Variants in MEF2A observed in about 807,000 individuals in gnomAD.
MEF2A encodes the protein myocyte enhancer factor 2A.
MEF2A carries 28 observed loss-of-function variants against 55.8 expected under a neutral mutation model. That is an observed-to-expected ratio of 0.50 (90% CI 0.37 to 0.69). The LOEUF is 0.69. Ranked by LOEUF, MEF2A falls within the 30% of genes least tolerant of loss-of-function variation. The pLI is 0.00. For synonymous variants in MEF2A, 239 were observed against 227.1 expected, an observed-to-expected ratio of 1.05 and a Z score of -0.47; for missense variants, 528 against 626.2, an observed-to-expected ratio of 0.84 and a Z score of 1.67.
At chr15:99,596,866 C>G (rs1270984519) in intron 1 of MEF2A, among the ~76,000 whole-genome samples, 1 of 152,202 alleles carries the variant, frequency 6.6e-6, no homozygotes, top group African/African-American at 2.4e-5. Context: ...AACGGAGGGA[C>G]TGGCTGAAGC....
rs765608725 is a variant in MEF2A, at chr15:99,573,373, TC to T, written c.-225+7270del. 8.6e-5 allele frequency among the ~76,000 whole-genome samples: 13 copies of T among 151,252 alleles called. No individual in the cohort carries two copies. In the East Asian group the frequency reaches 1.8e-3, roughly 20 times the overall value. ...GTTTTCCCAAATCACACTTTAAAAATCATAAAGGTACTTTCCAAATTATAAT... is the reference window on the plus strand; with the variant it reads ...GTTTTCCCAAATCACACTTTAAAAATATAAAGGTACTTTCCAAATTATAAT... On this transcript the variant is annotated intron_variant, in intron 1 of 11. Transcript: ENST00000557942.
intron 1 of MEF2A, among the ~76,000 whole-genome samples, chr15:99,598,212 C>T (rs924512092): frequency 6.6e-6 from 1 of 152,090 alleles, no homozygotes. Flanking sequence ...GTAATACTTC[C>T]TGAAGAAAAA....
intron 3 of MEF2A, among the ~76,000 whole-genome samples, chr15:99,635,904 G>A (rs2043728618): frequency 1.3e-5 from 2 of 152,152 alleles, no homozygotes; most frequent in Non-Finnish European, 2.9e-5. Flanking sequence ...ATTCTCGATA[G>A]TATACGTGAA....
chr15:99,588,299 TTTTTC>T (rs940901251), intron 1 of MEF2A, among the ~76,000 whole-genome samples: 4 of 151,786 alleles, frequency 2.6e-5, no homozygotes, highest in Non-Finnish European at 4.4e-5. Flanking sequence ...TTTTGTTGTT[TTTTTC>T]TTTTCTTTTC....
intron 1 of MEF2A, among the ~76,000 whole-genome samples, chr15:99,587,064 T>G (rs916059398): frequency 6.6e-6 from 1 of 152,192 alleles, no homozygotes; most frequent in African/African-American, 2.4e-5. Flanking sequence ...AACTTTTTTT[T>G]TTTTAAATTA....
chr15:99,666,916 A>AT (rs1414029131), intron 4 of MEF2A, among the ~76,000 whole-genome samples: 2 of 152,214 alleles, frequency 1.3e-5, no homozygotes, highest in African/African-American at 4.8e-5. Context: ...TGCAATATAA[A>AT]TAACAATTTA....
intron 4 of MEF2A, among the ~76,000 whole-genome samples, chr15:99,667,665 C>G (rs1236876206): frequency 6.6e-6 from 1 of 151,918 alleles, no homozygotes; most frequent in Non-Finnish European, 1.5e-5. Context: ...ACCAAGAAGG[C>G]CAAATGAATT....
chr15:99,660,280 C>T (rs755851187), intron 4 of MEF2A, among the ~76,000 whole-genome samples: 1 of 152,158 alleles, frequency 6.6e-6, no homozygotes, highest in African/African-American at 2.4e-5. Flanking sequence ...TGGCTCACCC[C>T]GACCTCCGCC....
chr15:99,638,802 C>T (rs2044355555), intron 3 of MEF2A, among the ~76,000 whole-genome samples: 1 of 152,018 alleles, frequency 6.6e-6, no homozygotes, highest in Non-Finnish European at 1.5e-5. Flanking sequence ...TCTTTGTTCT[C>T]AATTATACGA....
chr15:99,575,913 A>G (rs1348305670), intron 1 of MEF2A, among the ~76,000 whole-genome samples: 6 of 152,186 alleles, frequency 3.9e-5, no homozygotes, highest in African/African-American at 1.4e-4. Context: ...TTCCAAATTA[A>G]CCCACATTTG....
chr15:99,651,722 G>A (rs1302108790), intron 4 of MEF2A, among the ~76,000 whole-genome samples: 3 of 152,104 alleles, frequency 2.0e-5, no homozygotes, highest in Non-Finnish European at 2.9e-5. Context: ...ATTTTGCTGT[G>A]CATGTGAATA....
At chr15:99,604,833 G>C (rs1228769401) in intron 2 of MEF2A, among the ~76,000 whole-genome samples, 5 of 151,612 alleles carry the variant, frequency 3.3e-5, no homozygotes, top group Admixed American at 6.6e-5. Context: ...TTTTCCGTGG[G>C]GTTAATTTAC....
intron 1 of MEF2A, among the ~76,000 whole-genome samples, chr15:99,580,474 A>G (rs553185405): frequency 1.3e-5 from 2 of 152,340 alleles, no homozygotes; most frequent in South Asian, 4.1e-4. Flanking sequence ...ATGAAAAGAC[A>G]TAGGCAGTCA....
At chr15:99,664,959 C>A (rs1291330245) in intron 4 of MEF2A, among the ~76,000 whole-genome samples, 1 of 152,012 alleles carries the variant, frequency 6.6e-6, no homozygotes, top group Non-Finnish European at 1.5e-5. Flanking sequence ...CAGAGGAGAA[C>A]TCAAAAATAT....
At chr15:99,663,992 A>G (rs746986605) in intron 4 of MEF2A, among the ~76,000 whole-genome samples, 9 of 152,328 alleles carry the variant, frequency 5.9e-5, no homozygotes, top group Non-Finnish European at 7.3e-5. Context: ...TCAGTACTCT[A>G]TAAGTAGAAT....
At chr15:99,631,181 A>G (rs1240813595) in intron 2 of MEF2A, among the ~76,000 whole-genome samples, 2 of 152,220 alleles carry the variant, frequency 1.3e-5, no homozygotes, top group Non-Finnish European at 2.9e-5. Context: ...TTTTTAGGTG[A>G]TATAAGGTAG....
intron 4 of MEF2A, among the ~76,000 whole-genome samples, chr15:99,661,739 T>C (rs887422589): frequency 6.6e-6 from 1 of 151,974 alleles, no homozygotes; most frequent in African/African-American, 2.4e-5. Flanking sequence ...CTAGTATAAC[T>C]GAAGATCCAC....
chr15:99,613,410 T>A (rs1214554520), intron 2 of MEF2A, among the ~76,000 whole-genome samples: 1 of 152,222 alleles, frequency 6.6e-6, no homozygotes, highest in Non-Finnish European at 1.5e-5. Context: ...CAGTAGGAAC[T>A]GAGAGAACCT....
intron 2 of MEF2A, among the ~76,000 whole-genome samples, chr15:99,600,887 A>C (rs1347323655): frequency 1.3e-5 from 2 of 152,024 alleles, no homozygotes; most frequent in Non-Finnish European, 2.9e-5. Flanking sequence ...GATCCTTTTT[A>C]TTTCTTTCTA....
Sources: allele counts gnomAD v4.1 joint callset (sites outside exome capture counted in the v4.1 genomes callset), GRCh38; gene constraint gnomAD v4.1.1; transcripts MANE v1.5; gene names NCBI Gene and HGNC (gene_info 2026-07-23, HGNC 2026-07-21).